The following NBEAL1 variants were observed in gnomAD, a reference collection of about 807,000 sequenced individuals.
The protein encoded by NBEAL1 is neurobeachin-like protein 1.
A neutral mutation model predicts 351.3 loss-of-function variants in NBEAL1; 273 were observed. The ratio of observed to expected loss-of-function variants is 0.78; its 90% CI spans 0.70 to 0.86. The LOEUF is 0.86. Ranked by LOEUF, NBEAL1 falls within the 40% of genes least tolerant of loss-of-function variation. NBEAL1 has a pLI of 0.00. For synonymous variants in NBEAL1, 1,050 were observed against 1,086.4 expected (o/e 0.97, Z 0.66); for missense variants, 2,961 against 3,201.3 (o/e 0.92, Z 1.81).
chr2:203,064,566 T>C (rs533115987), intron 6 of NBEAL1, among the ~76,000 whole-genome samples: 1 of 152,312 alleles, frequency 6.6e-6, no homozygotes, highest in Non-Finnish European at 1.5e-5. Context: ...CAGCCAAGCA[T>C]GCATAATCTG....
chr2:203,091,407 C>T (rs140256985), intron 10 of NBEAL1, among the ~76,000 whole-genome samples: 2 of 152,210 alleles, frequency 1.3e-5, no homozygotes, highest in African/African-American at 2.4e-5. Flanking sequence ...TTGCGTCCAC[C>T]GTTTGGCTGC....
intron 4 of NBEAL1, among the ~76,000 whole-genome samples, chr2:203,051,999 C>T (rs2061331784): frequency 6.6e-6 from 1 of 152,108 alleles, no homozygotes; most frequent in East Asian, 1.9e-4. Context: ...ACATTTATTA[C>T]AGCTGATGAA....
At chr2:203,192,533 C>T (rs1467061350) in intron 46 of NBEAL1, among the ~76,000 whole-genome samples, 3 of 151,382 alleles carry the variant, frequency 2.0e-5, no homozygotes, top group Admixed American at 6.6e-5. Flanking sequence ...TACAGAGGCC[C>T]GCCACCACAC....
intron 12 of NBEAL1, among the ~76,000 whole-genome samples, chr2:203,101,443 G>A (rs565381581): frequency 4.9e-4 from 74 of 152,248 alleles, no homozygotes; most frequent in African/African-American, 1.7e-3. Flanking sequence ...GATGCCTCCA[G>A]CTTTGTTCTT....
intron 35 of NBEAL1, among the ~76,000 whole-genome samples, chr2:203,152,434 T>A (rs564159418): frequency 2.7e-5 from 4 of 146,870 alleles, no homozygotes; most frequent in African/African-American, 1.0e-4. Context: ...ACTAAAAATA[T>A]AAAAAATTAG....
intron 45 of NBEAL1, among the ~76,000 whole-genome samples, 194 bp from the exon 46 acceptor site, chr2:203,190,098 T>C (rs143585557): frequency 0.05 from 7,321 of 147,468 alleles, 198 homozygotes; most frequent in Middle Eastern, 0.083. Flanking sequence ...ATCATACCAC[T>C]GCACTCCAGC....
intron 8 of NBEAL1, among the ~76,000 whole-genome samples, chr2:203,082,776 G>C (rs571491826): frequency 6.6e-6 from 1 of 152,270 alleles, no homozygotes; most frequent in African/African-American, 2.4e-5. Flanking sequence ...GAACATCAAG[G>C]ACTGAGGTCC....
rs761691157 is a variant in NBEAL1 at position 203,083,249 on chromosome 2, A to T, written c.715A>T (p.Thr239Ser). The change falls in exon 9 of 56, where the codon ACT (threonine) becomes TCT (serine). Residue 239 changes from threonine to serine, a missense_variant. Thr to Ser is a moderately conservative substitution (Grantham distance 58). Coordinates refer to ENST00000683969, the MANE Select transcript of NBEAL1 (RefSeq NM_001378026.1). ...RNALQAISPATMEVLMRVLAD... is the reference protein window; with the variant it reads ...RNALQAISPASMEVLMRVLAD... ...TGCTTTGCAAGCAATTTCTCCAGCCACTATGGAAGTTCTTATGCGAGTATT... is the reference window on the plus strand; with the variant it reads ...TGCTTTGCAAGCAATTTCTCCAGCCTCTATGGAAGTTCTTATGCGAGTATT... 10 of 1,551,526 alleles carry T rather than the reference A, an allele frequency of 6.4e-6. No homozygotes were observed. Among genetic ancestry groups the T allele is most frequent in the Non-Finnish European group, 8.7e-7 (1 of 1,146,920 alleles).
At chr2:203,025,881 CT>C (rs996427068) in intron 2 of NBEAL1, among the ~76,000 whole-genome samples, 121 of 148,464 alleles carry the variant, frequency 8.2e-4, no homozygotes, top group Non-Finnish European at 1.5e-3. Flanking sequence ...CTTGGAGGTT[CT>C]TTTTTTTTTA....
chr2:203,171,883 T>C (rs758810896), intron 39 of NBEAL1, 45 bp from the exon 40 acceptor site: 2 of 1,113,676 alleles, frequency 1.8e-6, no homozygotes, highest in South Asian at 1.5e-5. Context: ...GTCTAAGAGA[T>C]GTAGATTTTT....
intron 51 of NBEAL1, 81 bp downstream of exon 51, chr2:203,202,862 G>A (rs572033431): frequency 5.0e-6 from 4 of 796,972 alleles, no homozygotes; most frequent in East Asian, 4.9e-5. Flanking sequence ...CTAGGACATC[G>A]AATTGTTTTC....
Position 203,224,988 on chromosome 2 carries a change from A to C in NBEAL1, c.*7634A>C, listed in dbSNP as rs1016895684. 1.3e-5 allele frequency among the ~76,000 whole-genome samples: 2 copies of C among 152,198 alleles called. No homozygotes were observed. The highest frequency in any genetic ancestry group is 4.8e-5 in the African/African-American group (2 of 41,464). ...TTACATTAAGTGCTATTTTTAAAAA[A>C]TTCATTGTGTGTATATGAGCTAATA... On this transcript the variant is annotated 3_prime_UTR_variant, in exon 56 of 56. Transcript: ENST00000683969.
chr2:203,120,193 C>T (rs1425716936), intron 18 of NBEAL1, among the ~76,000 whole-genome samples: 2 of 152,068 alleles, frequency 1.3e-5, no homozygotes, highest in Admixed American at 6.6e-5. Flanking sequence ...AAGTATTTCA[C>T]GTGTATTGTT....
chr2:203,071,393 A>G (rs1291465453), intron 7 of NBEAL1, among the ~76,000 whole-genome samples: 1 of 152,122 alleles, frequency 6.6e-6, no homozygotes, highest in Admixed American at 6.6e-5. Context: ...TCTTTGATCA[A>G]GGCTCTAGTT....
chr2:203,066,936 C>T (rs1261698567), intron 6 of NBEAL1, among the ~76,000 whole-genome samples: 1 of 144,376 alleles, frequency 6.9e-6, no homozygotes, highest in Non-Finnish European at 1.5e-5. Flanking sequence ...AGACAAAGGG[C>T]AGCCGGGCAG....
At chr2:203,201,496 A>G in intron 49 of NBEAL1, 47 bp from the exon 50 acceptor site, 2 of 1,413,132 alleles carry the variant, frequency 1.4e-6, no homozygotes, top group Middle Eastern at 1.9e-4. Context: ...TCACATCAGT[A>G]TACGTGATCT....
At position 203,222,264 on chromosome 2, in the gene NBEAL1, C is replaced by T. The variant is rs1421739157; in HGVS notation, c.*4910C>T. 4.6e-5 allele frequency among the ~76,000 whole-genome samples: 7 copies of T among 152,280 alleles called. No homozygotes were observed. The highest frequency in any genetic ancestry group is 1.9e-4 in the East Asian group (1 of 5,190). ...TTAATGGATATTACAGATCAGACTT[C>T]TCTGTGGAGTTTATAAATATACAGA... On this transcript the variant is annotated 3_prime_UTR_variant, in exon 56 of 56. Transcript: ENST00000683969.
At chr2:203,018,785 A>G (rs539180544) in intron 2 of NBEAL1, among the ~76,000 whole-genome samples, 2 of 152,240 alleles carry the variant, frequency 1.3e-5, no homozygotes, top group African/African-American at 4.8e-5. Context: ...CTATCTCCTA[A>G]TTATTTTAAA....
chr2:203,124,362 G>A (rs1228889106), intron 19 of NBEAL1, among the ~76,000 whole-genome samples: 2 of 152,020 alleles, frequency 1.3e-5, no homozygotes, highest in Non-Finnish European at 2.9e-5. Flanking sequence ...CAACAAAGTA[G>A]CAGATATGTA....
Sources: gnomAD v4.1 joint callset for allele counts (sites outside exome capture counted in the v4.1 genomes callset) on GRCh38, gnomAD v4.1.1 for gene constraint, MANE v1.5 for transcripts, NCBI Gene and HGNC (gene_info 2026-07-23, HGNC 2026-07-21) for gene names.